STXBP5L: variants seen among roughly 807,000 people sequenced by gnomAD.
The protein encoded by STXBP5L is syntaxin binding protein 5L, also known as syntaxin-binding protein 5-like.
Under a neutral mutation model 144.5 loss-of-function variants are expected in STXBP5L, and 65 were observed. The observed-to-expected ratio is 0.45, with a 90% CI of 0.37 to 0.55. The LOEUF is 0.55. STXBP5L is among the 20% of genes least tolerant of loss of function. The pLI, the probability that STXBP5L is intolerant of heterozygous loss-of-function variation, is 0.00. For synonymous variants in STXBP5L, 505 were observed against 469.6 expected, an observed-to-expected ratio of 1.08 and a Z score of -0.97; for missense variants, 1,298 against 1,405.5, an observed-to-expected ratio of 0.92 and a Z score of 1.22.
At chr3:121,145,219 TAGG>T (rs1398343594) in intron 7 of STXBP5L, among the ~76,000 whole-genome samples, 5 of 151,848 alleles carry the variant, frequency 3.3e-5, no homozygotes, top group Admixed American at 3.3e-4. Flanking sequence ...AATAAAATAT[TAGG>T]AGACAGAATC....
At chr3:121,170,195 A>G (rs2046654663) in intron 9 of STXBP5L, among the ~76,000 whole-genome samples, 1 of 152,236 alleles carries the variant, frequency 6.6e-6, no homozygotes, top group East Asian at 1.9e-4. Context: ...CAGCTAAAGT[A>G]GTGTTTAGAG....
intron 2 of STXBP5L, among the ~76,000 whole-genome samples, chr3:120,953,805 C>G (rs1184783984): frequency 2.0e-5 from 3 of 151,894 alleles, no homozygotes; most frequent in Admixed American, 6.6e-5. Context: ...ACTTCTTTTT[C>G]TTGTCTAATT....
chr3:120,976,888 G>A (rs1941098970), intron 3 of STXBP5L, among the ~76,000 whole-genome samples: 1 of 152,046 alleles, frequency 6.6e-6, no homozygotes, highest in African/African-American at 2.4e-5. Flanking sequence ...GTTTTAGTTT[G>A]ATTGCACTGT....
At chr3:121,328,264 C>A (rs2044213041) in intron 20 of STXBP5L, among the ~76,000 whole-genome samples, 1 of 152,062 alleles carries the variant, frequency 6.6e-6, no homozygotes, top group Non-Finnish European at 1.5e-5. Flanking sequence ...TGCCATATAC[C>A]ATACACTATG....
chr3:120,990,925 G>T (rs1445621475), intron 3 of STXBP5L, among the ~76,000 whole-genome samples: 2 of 152,144 alleles, frequency 1.3e-5, no homozygotes, highest in Non-Finnish European at 2.9e-5. Flanking sequence ...CATGGGCAAG[G>T]ACTTCATGAC....
intron 20 of STXBP5L, among the ~76,000 whole-genome samples, chr3:121,351,729 A>G (rs1437989294): frequency 6.6e-6 from 1 of 152,024 alleles, no homozygotes; most frequent in Non-Finnish European, 1.5e-5. Flanking sequence ...TTTTGTTGCC[A>G]TTGCTTTTGG....
At chr3:121,047,669 C>T (rs1036859271) in intron 5 of STXBP5L, among the ~76,000 whole-genome samples, 7 of 151,532 alleles carry the variant, frequency 4.6e-5, no homozygotes, top group African/African-American at 1.2e-4. Context: ...AAATAACAAC[C>T]CCTGCTTTTT....
At chr3:121,296,801 A>G (rs150105941) in intron 19 of STXBP5L, among the ~76,000 whole-genome samples, 3 of 152,206 alleles carry the variant, frequency 2.0e-5, no homozygotes, top group Non-Finnish European at 4.4e-5. Context: ...AACCCTAAAT[A>G]GAAAAATAAA....
intron 10 of STXBP5L, among the ~76,000 whole-genome samples, chr3:121,214,132 T>C (rs985932663): frequency 1.3e-5 from 2 of 152,172 alleles, no homozygotes; most frequent in African/African-American, 4.8e-5. Flanking sequence ...TGTCTATGTA[T>C]TTTGTTAATC....
At chr3:121,253,659 G>C (rs1036824904) in intron 15 of STXBP5L, among the ~76,000 whole-genome samples, 8 of 142,708 alleles carry the variant, frequency 5.6e-5, no homozygotes, top group African/African-American at 2.0e-4. Flanking sequence ...ACGGAGTCTC[G>C]CTCTGTCTGC....
intron 20 of STXBP5L, among the ~76,000 whole-genome samples, chr3:121,377,343 A>T (rs1210712976): frequency 2.6e-5 from 4 of 152,232 alleles, no homozygotes; most frequent in Admixed American, 6.5e-5. Context: ...AATGTGATCT[A>T]ATTAAACTAA....
At chr3:121,246,254 A>G (rs2049849415) in intron 14 of STXBP5L, among the ~76,000 whole-genome samples, 1 of 152,214 alleles carries the variant, frequency 6.6e-6, no homozygotes, top group African/African-American at 2.4e-5. Flanking sequence ...ATGAGAATCT[A>G]ACTAATGCCT....
intron 2 of STXBP5L, among the ~76,000 whole-genome samples, chr3:120,952,374 C>G (rs371401023): frequency 2.4e-4 from 37 of 151,976 alleles, no homozygotes; most frequent in African/African-American, 8.9e-4. Context: ...TTTCAGAGTA[C>G]AAATTTTGCA....
At chr3:121,057,165 G>C (rs1271644030) in intron 5 of STXBP5L, among the ~76,000 whole-genome samples, 1 of 151,790 alleles carries the variant, frequency 6.6e-6, no homozygotes, top group African/African-American at 2.4e-5. Flanking sequence ...ATACAGTGCT[G>C]AGCAAAAGAA....
chr3:121,234,789 A>G (rs1006138170), intron 12 of STXBP5L, among the ~76,000 whole-genome samples: 1 of 151,818 alleles, frequency 6.6e-6, no homozygotes, highest in Non-Finnish European at 1.5e-5. Context: ...CAACATTAAC[A>G]CTTTTTGGGT....
intron 14 of STXBP5L, among the ~76,000 whole-genome samples, chr3:121,240,857 C>G (rs1023187796): frequency 6.6e-6 from 1 of 152,048 alleles, no homozygotes; most frequent in Non-Finnish European, 1.5e-5. Flanking sequence ...TGTATCTGTA[C>G]GAGATGGTTA....
intron 3 of STXBP5L, among the ~76,000 whole-genome samples, chr3:121,011,263 C>A (rs1944753186): frequency 6.6e-6 from 1 of 151,162 alleles, no homozygotes; most frequent in Admixed American, 6.6e-5. Context: ...TCAGTAAAAT[C>A]CCCGTCCCCT....
intron 3 of STXBP5L, among the ~76,000 whole-genome samples, chr3:121,015,758 A>G (rs1945101174): frequency 6.6e-6 from 1 of 152,154 alleles, no homozygotes. Context: ...GCTTTACTAG[A>G]GCCTTATCCA....
At chr3:120,995,314 A>T (rs1050646962) in intron 3 of STXBP5L, among the ~76,000 whole-genome samples, 5 of 151,810 alleles carry the variant, frequency 3.3e-5, no homozygotes, top group African/African-American at 7.3e-5. Flanking sequence ...TGCCTGGCTA[A>T]TTTTTTTATT....
Sources: allele counts gnomAD v4.1 joint callset (sites outside exome capture counted in the v4.1 genomes callset), GRCh38; gene constraint gnomAD v4.1.1; transcripts MANE v1.5; gene names NCBI Gene and HGNC (gene_info 2026-07-23, HGNC 2026-07-21).